Variants in MYOCD observed in about 807,000 individuals in gnomAD.
The protein encoded by MYOCD is myocardin.
A neutral mutation model predicts 96.1 loss-of-function variants in MYOCD; 32 were observed. That is an observed-to-expected ratio of 0.33 (90% CI 0.25 to 0.45). The LOEUF (loss-of-function observed/expected upper bound fraction) is 0.45, where lower values mean the gene tolerates loss of function less well. MYOCD is among the 20% of genes least tolerant of loss of function. The probability of loss-of-function intolerance (pLI) is 1.00; values close to 1 mark genes in which losing one functional copy is unlikely to be tolerated. For missense variants in MYOCD, 1,133 were observed against 1,200.6 expected, an observed-to-expected ratio of 0.94 and a Z score of 0.83; for synonymous variants, 469 against 469.0, an observed-to-expected ratio of 1.00 and a Z score of 0.00.
intron 9 of MYOCD, among the ~76,000 whole-genome samples, chr17:12,747,113 G>A (rs2032688805): frequency 1.3e-5 from 2 of 151,588 alleles, no homozygotes; most frequent in African/African-American, 2.4e-5. Context: ...TGCAAGATAA[G>A]TTTTGTCTCC....
At chr17:12,730,467 A>G (rs942371385) in intron 5 of MYOCD, among the ~76,000 whole-genome samples, 1 of 151,822 alleles carries the variant, frequency 6.6e-6, no homozygotes, top group Admixed American at 6.6e-5. Context: ...AAAAAAAGAC[A>G]TAAGGCAAAT....
intron 1 of MYOCD, among the ~76,000 whole-genome samples, chr17:12,680,930 G>C (rs929381474): frequency 6.6e-6 from 1 of 152,130 alleles, no homozygotes; most frequent in Admixed American, 6.5e-5. Flanking sequence ...AGCACCCCAA[G>C]AACTATCTGA....
intron 1 of MYOCD, among the ~76,000 whole-genome samples, chr17:12,696,711 G>A (rs12937774): frequency 2.9e-4 from 44 of 152,126 alleles, no homozygotes; most frequent in Non-Finnish European, 5.6e-4. Flanking sequence ...TGCCTTAAGG[G>A]TATGTTCTTT....
chr17:12,721,762 C>T (rs1221100724), intron 4 of MYOCD, among the ~76,000 whole-genome samples: 1 of 152,188 alleles, frequency 6.6e-6, no homozygotes, highest in Non-Finnish European at 1.5e-5. Flanking sequence ...TGAGTTGGTA[C>T]ACAGGATGAG....
rs1163169668 is a variant in MYOCD at position 12,756,469 on chromosome 17, T to G, written c.2114T>G (p.Leu705Arg). 6.4e-7 allele frequency: 1 copy of G among 1,551,858 alleles called. No homozygotes were observed. The highest frequency in any genetic ancestry group is 1.7e-4 in the Middle Eastern group (1 of 6,020). ...AGCTTCTCTCCCCATTCTTCCAGCC[T>G]CCACCCGCCCTTCTCTGGAGCCCAA... ...PPSFSPHSSS[L>R]HPPFSGAQAD... Residue 705 changes from leucine (L) to arginine (R), a missense_variant, in exon 11 of 14, where the codon CTC (leucine) becomes CGC (arginine). Physicochemically the swap from Leu to Arg is moderately radical, Grantham distance 102. Coordinates refer to ENST00000425538, the MANE Select transcript of MYOCD (RefSeq NM_001146312.3).
In MYOCD at chr17:12,758,214, G is replaced by C. The variant is rs1308992338; in HGVS notation, c.2331+1G>C. ...ATCCTATGAAGATGCCGTAAAGCAG[G>C]TAACCATGTGATTTGTTCTTTATGG... On this transcript the variant is annotated splice_donor_variant, in intron 12 of 13. Transcript: ENST00000425538. LOFTEE classifies it high-confidence loss of function. The C allele has an allele frequency of 2.5e-6, 4 of 1,613,906 alleles. No individual in the cohort carries two copies. Among genetic ancestry groups the C allele is most frequent in the African/African-American group, 1.3e-5 (1 of 74,902 alleles).
intron 2 of MYOCD, among the ~76,000 whole-genome samples, chr17:12,714,073 G>A (rs1028101415): frequency 6.6e-6 from 1 of 151,836 alleles, no homozygotes; most frequent in Non-Finnish European, 1.5e-5. Context: ...ACTATTTTTG[G>A]CACAAGGAAG....
At chr17:12,739,779 C>A (rs2032453279) in intron 7 of MYOCD, among the ~76,000 whole-genome samples, 1 of 152,210 alleles carries the variant, frequency 6.6e-6, no homozygotes, top group African/African-American at 2.4e-5. Context: ...CACGGGGTTT[C>A]ATTCATAGTA....
intron 7 of MYOCD, among the ~76,000 whole-genome samples, chr17:12,742,038 A>T (rs1189852002): frequency 6.6e-6 from 1 of 152,036 alleles, no homozygotes; most frequent in East Asian, 1.9e-4. Flanking sequence ...TGGACCTCCG[A>T]CTTAGCTGCG....
intron 1 of MYOCD, among the ~76,000 whole-genome samples, chr17:12,671,656 T>A (rs2150627432): frequency 6.6e-6 from 1 of 152,280 alleles, no homozygotes; most frequent in South Asian, 2.1e-4. Flanking sequence ...AGAGTGGCAT[T>A]TGTCTTTTAT....
intron 6 of MYOCD, 137 bp downstream of exon 6, chr17:12,736,473 G>A: frequency 1.2e-6 from 1 of 860,780 alleles, no homozygotes; most frequent in East Asian, 2.7e-5. Context: ...ACAGCATTTT[G>A]ATGCCTCTTC....
intron 1 of MYOCD, among the ~76,000 whole-genome samples, chr17:12,703,769 TTCTC>T (rs2031179279): frequency 6.6e-6 from 1 of 152,146 alleles, no homozygotes; most frequent in Admixed American, 6.5e-5. Flanking sequence ...TTCATCTTTT[TTCTC>T]TCTCTTCTTC....
intron 1 of MYOCD, among the ~76,000 whole-genome samples, chr17:12,690,367 C>T (rs955298383): frequency 1.3e-5 from 2 of 151,932 alleles, no homozygotes; most frequent in Admixed American, 6.6e-5. Context: ...TTAATAAGGT[C>T]GTAGTGAAGT....
intron 4 of MYOCD, chr17:12,720,535 A>G (rs968835181): frequency 6.6e-6 from 1 of 152,188 alleles, no homozygotes; most frequent in African/African-American, 2.4e-5. Flanking sequence ...AGAGTAATTT[A>G]ATGAGAAAAG....
At chr17:12,750,444 T>A (rs1483992490) in intron 9 of MYOCD, among the ~76,000 whole-genome samples, 1 of 152,156 alleles carries the variant, frequency 6.6e-6, no homozygotes, top group Non-Finnish European at 1.5e-5. Context: ...ATCCCAGCAC[T>A]TTGGGAGGCT....
chr17:12,764,514 T>C lies in MYOCD; in HGVS notation c.*870T>C, dbSNP rs1426251739. On this transcript the variant is annotated 3_prime_UTR_variant, in exon 14 of 14. Transcript: ENST00000425538. ...AGAGATGACCACATTGGTAGAAGTA[T>C]ATCTCGAGGCACAGGAAGGGAGCCC... 2 of 152,198 alleles carry C rather than the reference T, an allele frequency of 1.3e-5. No individual in the cohort carries two copies. Among genetic ancestry groups the C allele is most frequent in the Non-Finnish European group, 2.9e-5 (2 of 68,080 alleles). 9.4% of individuals were successfully genotyped at this position (152,198 alleles called of 1,614,324 possible). A position where few individuals can be genotyped will look rare whatever the true frequency, so the allele number is the denominator to read the frequency against.
chr17:12,692,765 C>T (rs2030518806), intron 1 of MYOCD, among the ~76,000 whole-genome samples: 1 of 152,190 alleles, frequency 6.6e-6, no homozygotes, highest in Non-Finnish European at 1.5e-5. Flanking sequence ...TTCTGAGTGC[C>T]TCTGCTTTCT....
chr17:12,747,033 C>G (rs1385784247), intron 9 of MYOCD, among the ~76,000 whole-genome samples: 1 of 21,372 alleles, frequency 4.7e-5, no homozygotes. Flanking sequence ...CAGCCCCTAC[C>G]AATTTTTTTT....
intron 11 of MYOCD, 86 bp downstream of exon 11, chr17:12,756,643 C>T: frequency 1.5e-6 from 2 of 1,301,146 alleles, no homozygotes; most frequent in South Asian, 1.4e-5. Context: ...TTGCAGTGAG[C>T]CGAGATCGCA....
Sources: gnomAD v4.1 joint callset for allele counts (sites outside exome capture counted in the v4.1 genomes callset) on GRCh38, gnomAD v4.1.1 for gene constraint, MANE v1.5 for transcripts, NCBI Gene and HGNC (gene_info 2026-07-23, HGNC 2026-07-21) for gene names.